The following PLEKHH2 variants were observed in gnomAD, a reference collection of about 807,000 sequenced individuals.
PLEKHH2 encodes pleckstrin homology domain-containing family H member 2.
In PLEKHH2, 129 loss-of-function variants were observed where a neutral mutation model predicts 187.9. That is an observed-to-expected ratio of 0.69 (90% CI 0.59 to 0.79). The LOEUF is 0.79. Among genes scored for constraint, PLEKHH2 ranks in the 30% least tolerant of loss-of-function variants. The pLI, the probability that PLEKHH2 is intolerant of heterozygous loss-of-function variation, is 0.00. For missense variants in PLEKHH2, 2,076 were observed against 1,751.2 expected (o/e 1.19, Z -3.31); for synonymous variants, 686 against 605.6 (o/e 1.13, Z -1.95).
chr2:43,701,517 G>A (rs146453795), intron 8 of PLEKHH2, among the ~76,000 whole-genome samples: 3 of 152,238 alleles, frequency 2.0e-5, no homozygotes, highest in Middle Eastern at 3.4e-3. Flanking sequence ...ATTCTGAACC[G>A]GGACACTTAA....
At position 43,644,790 on chromosome 2, in the gene PLEKHH2, A is replaced by G. The variant is rs1220245270; in HGVS notation, c.117A>G (p.Ala39=). Residue 39 remains alanine (A), a synonymous_variant, in exon 2 of 30, where the codon GCA becomes GCG. Coordinates refer to ENST00000282406, the MANE Select transcript of PLEKHH2 (RefSeq NM_172069.4). ...CAAGCAAGATACGAGAGCTTTTAGC[A>G]GAGAAGGTAAGCTTTCTCCCTAAGC... is the stretch of plus-strand genomic sequence containing the variant. ...VQASKIRELL[A]EKMQQLERQV... is the part of the protein sequence containing the mutation. 1.2e-6 allele frequency: 2 copies of G among 1,604,958 alleles called. No homozygotes were observed. The highest frequency in any genetic ancestry group is 1.7e-6 in the Non-Finnish European group (2 of 1,175,234).
chr2:43,766,428 T>C lies in PLEKHH2; in HGVS notation c.*830T>C, dbSNP rs772423760. 2 of 152,558 alleles carry C rather than the reference T, an allele frequency of 1.3e-5. No homozygotes were observed. The highest frequency in any genetic ancestry group is 2.9e-5 in the Non-Finnish European group (2 of 67,998). The allele number at this position is 152,558 out of a possible 1,614,324, so 9.5% of individuals were successfully genotyped here. A position where few individuals can be genotyped will look rare whatever the true frequency, so the allele number is the denominator to read the frequency against. ...GCTTTGCTCCTCACACATTACCTTC[T>C]AATTATAGTTTGAAAATAGATTCCC... is the stretch of plus-strand genomic sequence containing the variant. On this transcript the variant is annotated 3_prime_UTR_variant, in exon 30 of 30. Coordinates refer to ENST00000282406, the MANE Select transcript of PLEKHH2 (RefSeq NM_172069.4).
chr2:43,717,229 CCAACA>C (rs1276451004), intron 15 of PLEKHH2, among the ~76,000 whole-genome samples: 1 of 152,134 alleles, frequency 6.6e-6, no homozygotes, highest in African/African-American at 2.4e-5. Context: ...ACCAGCCTGG[CCAACA>C]TGGTGAAACC....
chr2:43,655,138 C>A (rs1013555311), intron 2 of PLEKHH2, among the ~76,000 whole-genome samples: 2 of 151,854 alleles, frequency 1.3e-5, no homozygotes, highest in African/African-American at 2.4e-5. Context: ...CCCAGAAGTT[C>A]CGGGGGCTGC....
Position 43,699,889 on chromosome 2 carries a change from T to C in PLEKHH2, c.931T>C (p.Ser311Pro). ...CACATCCACCCTCTCCAGTCACACA[T>C]CTGAGGAAGGGGTCCAGTGTAGCAG... ...RCTSTLSSHTSEEGVQCSRMG... is the reference protein window; with the variant it reads ...RCTSTLSSHTPEEGVQCSRMG... Residue 311 changes from serine (S) to proline (P), a missense_variant, in exon 8 of 30, where the codon TCT becomes CCT. By Grantham distance (74) the Ser-to-Pro change is moderately conservative. Transcript: ENST00000282406. 6.2e-7 allele frequency: 1 copy of C among 1,614,062 alleles called. No homozygotes were observed. Among genetic ancestry groups the C allele is most frequent in the Non-Finnish European group, 8.5e-7 (1 of 1,179,982 alleles).
chr2:43,683,577 A>T (rs77998743), intron 3 of PLEKHH2, among the ~76,000 whole-genome samples: 3,598 of 151,878 alleles, frequency 0.024, 100 homozygotes, highest in African/African-American at 0.063. Flanking sequence ...GTATGGGTTA[A>T]TTTGTTCTCT....
rs1362344176 is a variant in PLEKHH2 at position 43,681,875 on chromosome 2, C to G, written c.186+2950C>G. On this transcript the variant is annotated intron_variant, in intron 3 of 29. Transcript: ENST00000282406. ...GGTAGAGTAAGTGCCTAATAGATTT[C>G]TAAATAAGCCCAATGTAGCCTAATC... Among the ~76,000 whole-genome samples, 12 of 152,284 alleles carry G rather than the reference C, an allele frequency of 7.9e-5. No homozygotes were observed. The East Asian group carries it at 1.9e-3, about 24-fold the overall frequency.
chr2:43,653,516 C>G (rs1229671409), intron 2 of PLEKHH2, among the ~76,000 whole-genome samples: 2 of 152,170 alleles, frequency 1.3e-5, no homozygotes, highest in Non-Finnish European at 2.9e-5. Flanking sequence ...TCTCTGAGGA[C>G]TCTCCAGAAG....
intron 24 of PLEKHH2, among the ~76,000 whole-genome samples, chr2:43,748,227 G>A (rs1420090998): frequency 6.6e-6 from 1 of 152,208 alleles, no homozygotes; most frequent in Non-Finnish European, 1.5e-5. Context: ...AGAGGTTCAA[G>A]TAATAAGAAA....
chr2:43,681,153 TG>T (rs1668157234), intron 3 of PLEKHH2: 7 of 729,142 alleles, frequency 9.6e-6, no homozygotes, highest in Non-Finnish European at 1.7e-5. Flanking sequence ...AACACTCTAA[TG>T]CCACTCAGAA....
Position 43,765,390 on chromosome 2 carries a change from C to T in PLEKHH2, c.4297-23C>T, listed in dbSNP as rs12478683. ...TGATGAGAACTTCTAAGGAGCAAAACAATTCTGTTTTCCTTGTTTTAGATT... is the reference window on the plus strand; with the variant it reads ...TGATGAGAACTTCTAAGGAGCAAAATAATTCTGTTTTCCTTGTTTTAGATT... On this transcript the variant is annotated intron_variant, in intron 29 of 29. Transcript: ENST00000282406. 8 of 1,610,268 alleles carry T rather than the reference C, an allele frequency of 5.0e-6. No individual in the cohort carries two copies. In the East Asian group the frequency reaches 1.6e-4, roughly 31 times the overall value.
intron 1 of PLEKHH2, among the ~76,000 whole-genome samples, chr2:43,640,590 T>C (rs1388943312): frequency 6.6e-6 from 1 of 152,138 alleles, no homozygotes; most frequent in African/African-American, 2.4e-5. Context: ...TTTCTCTACA[T>C]CCTCACCAAC....
At chr2:43,669,775 C>G (rs2104398327) in intron 2 of PLEKHH2, among the ~76,000 whole-genome samples, 1 of 152,038 alleles carries the variant, frequency 6.6e-6, no homozygotes, top group East Asian at 1.9e-4. Flanking sequence ...GATGTGATCT[C>G]AGTTCACTGC....
chr2:43,684,902 T>G (rs1369118671), intron 3 of PLEKHH2, among the ~76,000 whole-genome samples: 1 of 152,174 alleles, frequency 6.6e-6, no homozygotes, highest in Non-Finnish European at 1.5e-5. Context: ...TTTCTTTTTG[T>G]CACAACACTT....
chr2:43,675,986 T>C (rs749317177), intron 2 of PLEKHH2: 1 of 1,614,054 alleles, frequency 6.2e-7, no homozygotes, highest in Non-Finnish European at 8.5e-7. Context: ...CTGTCATTAC[T>C]TTCTATATTG....
At position 43,712,338 on chromosome 2, in the gene PLEKHH2, C is replaced by T; in HGVS notation, c.2415C>T (p.Ser805=). The change falls in exon 15 of 30, where the codon TCC becomes TCT. Residue 805 remains serine, a synonymous_variant. Transcript: ENST00000282406. ...GAGTACAAGCTGCCAACCCACTTTC[C>T]CTGCAGCCTGAGGGCAAACCCACCA... is the stretch of plus-strand genomic sequence containing the variant. ...VLRVQAANPL[S]LQPEGKPTMK... The T allele has an allele frequency of 1.9e-6, 3 of 1,614,154 alleles. No individual in the cohort carries two copies. Among genetic ancestry groups the T allele is most frequent in the Non-Finnish European group, 2.5e-6 (3 of 1,180,012 alleles).
chr2:43,677,900 AG>A (rs1667919702), intron 2 of PLEKHH2, among the ~76,000 whole-genome samples: 1 of 45,016 alleles, frequency 2.2e-5, no homozygotes, highest in Non-Finnish European at 5.7e-5. Flanking sequence ...ACCTCCCTCC[AG>A]GACGGGGCGG....
At chr2:43,682,644 C>T (rs1668262037) in intron 3 of PLEKHH2, among the ~76,000 whole-genome samples, 2 of 152,086 alleles carry the variant, frequency 1.3e-5, no homozygotes, top group African/African-American at 4.8e-5. Context: ...GTGTTGTGTA[C>T]AATCATCACC....
At chr2:43,679,494 C>CTTTTT in intron 3 of PLEKHH2, 14 of 252,808 alleles carry the variant, frequency 5.5e-5, no homozygotes, top group South Asian at 1.9e-4. Flanking sequence ...GATTTTTTCC[C>CTTTTT]TTTTTTTTTT....
Sources: allele counts gnomAD v4.1 joint callset (sites outside exome capture counted in the v4.1 genomes callset), GRCh38; gene constraint gnomAD v4.1.1; transcripts MANE v1.5; gene names NCBI Gene and HGNC (gene_info 2026-07-23, HGNC 2026-07-21).